SH3PXD2A: variants seen among roughly 807,000 people sequenced by gnomAD.
SH3PXD2A encodes SH3 and PX domain-containing protein 2A.
SH3PXD2A carries 32 observed loss-of-function variants against 115.2 expected under a neutral mutation model. That is an observed-to-expected ratio of 0.28 (90% CI 0.21 to 0.37). The LOEUF (loss-of-function observed/expected upper bound fraction) is 0.37, where lower values mean the gene tolerates loss of function less well. Ranked by LOEUF, SH3PXD2A falls within the 10% of genes least tolerant of loss-of-function variation. SH3PXD2A has a pLI of 1.00. For missense variants in SH3PXD2A, 1,328 were observed against 1,498.7 expected (o/e 0.89, Z 1.88); for synonymous variants, 610 against 629.1 (o/e 0.97, Z 0.45).
chr10:103,804,504 A>G (rs1326107943), intron 1 of SH3PXD2A, among the ~76,000 whole-genome samples: 12 of 151,386 alleles, frequency 7.9e-5, no homozygotes, highest in African/African-American at 2.9e-4. Flanking sequence ...TGTATGTTTT[A>G]GTAGAGACAG....
At chr10:103,763,544 T>TG (rs1387473526) in intron 3 of SH3PXD2A, among the ~76,000 whole-genome samples, 4 of 152,208 alleles carry the variant, frequency 2.6e-5, no homozygotes, top group African/African-American at 9.6e-5. Flanking sequence ...TCACTGCTGC[T>TG]GGGGGTGAGC....
chr10:103,607,673 G>A (rs990679991), intron 13 of SH3PXD2A, among the ~76,000 whole-genome samples: 6 of 152,142 alleles, frequency 3.9e-5, no homozygotes, highest in Admixed American at 1.3e-4. Flanking sequence ...CATTGAGAAC[G>A]GGCCATGATG....
chr10:103,632,248 G>A (rs2036791584), intron 8 of SH3PXD2A, among the ~76,000 whole-genome samples: 1 of 152,182 alleles, frequency 6.6e-6, no homozygotes. Context: ...GATCCTGTGG[G>A]AAAGAAAACG....
intron 8 of SH3PXD2A, among the ~76,000 whole-genome samples, chr10:103,641,380 G>C (rs1352161680): frequency 1.3e-5 from 2 of 152,176 alleles, no homozygotes; most frequent in Admixed American, 1.3e-4. Flanking sequence ...TGGGGCAGAA[G>C]TCTGTCCCCA....
intron 1 of SH3PXD2A, among the ~76,000 whole-genome samples, chr10:103,807,333 G>A (rs568259925): frequency 6.6e-6 from 1 of 152,234 alleles, no homozygotes; most frequent in Non-Finnish European, 1.5e-5. Flanking sequence ...GAGGCAAGGA[G>A]TTAGGAGCTA....
Position 103,594,385 on chromosome 10 carries a change from TGAG to T in SH3PXD2A, c.*7428_*7430del, listed in dbSNP as rs1487986523. ...AATGTCCTTTCTCCAGTTTCTCTGC[TGAG>T]GAGGAAAGAAGGAAAACCTGGAGGA... On this transcript the variant is annotated 3_prime_UTR_variant, in exon 15 of 15. Coordinates refer to ENST00000369774, the MANE Select transcript of SH3PXD2A (RefSeq NM_001394015.1). 6.6e-6 allele frequency: 1 copy of T among 152,632 alleles called. No individual in the cohort carries two copies. Among genetic ancestry groups the T allele is most frequent in the African/African-American group, 2.4e-5 (1 of 41,450 alleles). 9.5% of individuals were successfully genotyped at this position (152,632 alleles called of 1,614,324 possible).
chr10:103,783,888 G>A (rs907227056), intron 2 of SH3PXD2A, among the ~76,000 whole-genome samples: 15 of 152,240 alleles, frequency 9.9e-5, no homozygotes, highest in Non-Finnish European at 1.3e-4. Context: ...GAGGCGAGCC[G>A]CCCGGGGCAG....
chr10:103,605,720 C>G, intron 14 of SH3PXD2A, 78 bp downstream of exon 14: 1 of 1,585,946 alleles, frequency 6.3e-7, no homozygotes, highest in South Asian at 1.1e-5. Context: ...ATCTTACTAG[C>G]AAGGCCTAAA....
intron 3 of SH3PXD2A, among the ~76,000 whole-genome samples, chr10:103,748,895 T>A (rs745696517): frequency 6.6e-6 from 1 of 152,114 alleles, no homozygotes; most frequent in African/African-American, 2.4e-5. Context: ...AGGACCATAA[T>A]GTTCACGGTG....
rs1261327422 is a variant in SH3PXD2A, at chr10:103,652,337, G to A, written c.604+8646C>T. ...GTCCTGCTGAGCCCTGGCTCCCCCA[G>A]ACTTTGCAGGCCATCTGGGTGAACT... On this transcript the variant is annotated intron_variant, in intron 8 of 14. Transcript: ENST00000369774. 4.6e-5 allele frequency among the ~76,000 whole-genome samples: 7 copies of A among 152,214 alleles called. No homozygotes were observed. The East Asian group carries it at 1.3e-3, about 29-fold the overall frequency.
At chr10:103,618,018 C>T (rs113256035) in intron 10 of SH3PXD2A, among the ~76,000 whole-genome samples, 4,821 of 152,350 alleles carry the variant, frequency 0.032, 233 homozygotes, top group African/African-American at 0.11. Context: ...ACAGCACAAT[C>T]AGGCAGCACT....
At chr10:103,850,208 A>G (rs1041738037) in intron 1 of SH3PXD2A, among the ~76,000 whole-genome samples, 7 of 152,210 alleles carry the variant, frequency 4.6e-5, no homozygotes, top group East Asian at 3.9e-4. Context: ...TCTGACATCA[A>G]ATAGGTTTAT....
chr10:103,732,981 G>A (rs1213909411), intron 4 of SH3PXD2A, among the ~76,000 whole-genome samples: 4 of 152,146 alleles, frequency 2.6e-5, no homozygotes, highest in African/African-American at 9.7e-5. Context: ...CCATTCCAAG[G>A]TCAGTGGGTT....
chr10:103,649,570 G>GA (rs1213693865), intron 8 of SH3PXD2A, among the ~76,000 whole-genome samples: 7 of 152,178 alleles, frequency 4.6e-5, no homozygotes, highest in Non-Finnish European at 8.8e-5. Context: ...GCCAAACCAG[G>GA]CATGGGAGAC....
chr10:103,758,081 G>A (rs1244625198), intron 3 of SH3PXD2A, among the ~76,000 whole-genome samples: 1 of 152,230 alleles, frequency 6.6e-6, no homozygotes, highest in Non-Finnish European at 1.5e-5. Context: ...CCATTTGACA[G>A]ATGATGCTAC....
intron 5 of SH3PXD2A, among the ~76,000 whole-genome samples, chr10:103,714,725 G>T (rs1252644152): frequency 6.6e-6 from 1 of 152,228 alleles, no homozygotes; most frequent in Non-Finnish European, 1.5e-5. Context: ...TGGCCCTCCT[G>T]CCCATCAACA....
At chr10:103,678,241 C>T in intron 6 of SH3PXD2A, 1 of 947,408 alleles carries the variant, frequency 1.1e-6, no homozygotes, top group Non-Finnish European at 1.5e-6. Flanking sequence ...CCATCCCTCC[C>T]CTCCTCTGCG....
In SH3PXD2A at chr10:103,625,485, C is replaced by T. The variant is rs3824779; in HGVS notation, c.718+1604G>A. On this transcript the variant is annotated intron_variant, in intron 9 of 14. Transcript: ENST00000369774. The stretch of plus-strand genomic sequence containing the variant: ...CCACAGCTGGAAGGATGGGGATGGC[C>T]ATAGCCACAGGGTCCTCCCAGGGTG... Among the ~76,000 whole-genome samples the T allele has an allele frequency of 2.6e-5, 4 of 152,354 alleles. No homozygotes were observed. In the East Asian group the frequency reaches 7.7e-4, roughly 29 times the overall value.
chr10:103,744,451 C>T (rs1474674055), intron 3 of SH3PXD2A, among the ~76,000 whole-genome samples: 1 of 152,174 alleles, frequency 6.6e-6, no homozygotes, highest in Non-Finnish European at 1.5e-5. Flanking sequence ...CCGCACCTGG[C>T]CCCTGCTTGT....
Sources: gnomAD v4.1 joint callset for allele counts (sites outside exome capture counted in the v4.1 genomes callset) on GRCh38, gnomAD v4.1.1 for gene constraint, MANE v1.5 for transcripts, NCBI Gene and HGNC (gene_info 2026-07-23, HGNC 2026-07-21) for gene names.